Variants in TLX1 observed in about 807,000 individuals in gnomAD.
TLX1 encodes the protein T cell leukemia homeobox 1.
Under a neutral mutation model 26.5 loss-of-function variants are expected in TLX1, and 6 were observed. That is an observed-to-expected ratio of 0.23 (90% CI 0.12 to 0.45). The LOEUF (loss-of-function observed/expected upper bound fraction) is 0.45. Among genes scored for constraint, TLX1 ranks in the 20% least tolerant of loss-of-function variants. The probability of loss-of-function intolerance (pLI) is 0.99; values close to 1 mark genes in which losing one functional copy is unlikely to be tolerated. For missense variants in TLX1, 418 were observed against 482.6 expected, an observed-to-expected ratio of 0.87 and a Z score of 1.25; for synonymous variants, 217 against 219.7, an observed-to-expected ratio of 0.99 and a Z score of 0.11.
chr10:101,131,842 T>A lies in TLX1; in HGVS notation c.301T>A (p.Tyr101Asn). Residue 101 changes from tyrosine to asparagine, a missense_variant, in exon 1 of 3, where the codon TAC (tyrosine) becomes AAC (asparagine). Tyr to Asn is a moderately radical substitution (Grantham distance 143, BLOSUM62 -2). Coordinates refer to ENST00000370196, the MANE Select transcript of TLX1 (RefSeq NM_005521.4). Reference sequence around the variant, plus strand: ...CAGCATGGGTCCTCTGACCGGCTCCTACAACGTGAACATGGCCTTGGCAGG... The same window carrying A: ...CAGCATGGGTCCTCTGACCGGCTCCAACAACGTGAACATGGCCTTGGCAGG... ...ACSMGPLTGS[Y>N]NVNMALAGGP... The A allele has an allele frequency of 7.1e-7, 1 of 1,410,570 alleles. No individual in the cohort carries two copies. The allele number at this position is 1,410,570 out of a possible 1,614,324, so 87.4% of individuals were successfully genotyped here.
chr10:101,131,452 C>G lies in TLX1; in HGVS notation c.-90C>G, dbSNP rs991284649. The G allele has an allele frequency of 1.8e-6, 2 of 1,088,072 alleles. No homozygotes were observed. The highest frequency in any genetic ancestry group is 6.3e-5 in the East Asian group (2 of 31,540). 67.4% of individuals were successfully genotyped at this position (1,088,072 alleles called of 1,614,324 possible). ...TCCAAGTCTCCGCGCAGCCAGGAGC[C>G]GCTGTTGCCTCCCAGCCCCTGCTAG... On this transcript the variant is annotated 5_prime_UTR_variant, in exon 1 of 3. Coordinates refer to ENST00000370196, the MANE Select transcript of TLX1 (RefSeq NM_005521.4).
chr10:101,134,464 T>C, intron 2 of TLX1, 88 bp downstream of exon 2: 10 of 1,344,176 alleles, frequency 7.4e-6, no homozygotes, highest in Non-Finnish European at 8.9e-6. Flanking sequence ...GCGCACATAC[T>C]TTTTCCGCTC....
chr10:101,136,019 C>T (rs1183627769), intron 2 of TLX1, among the ~76,000 whole-genome samples: 7 of 152,208 alleles, frequency 4.6e-5, no homozygotes, highest in Non-Finnish European at 1.0e-4. Context: ...CTTCTGAAGG[C>T]CCCAGGGACT....
Position 101,132,042 on chromosome 10 carries a change from C to A in TLX1, c.501C>A (p.Asn167Lys). The stretch of plus-strand genomic sequence containing the variant: ...CTGTGCCTGCCATGCCGGGCGTCAA[C>A]AACCTCACTGGCCTCACCTTCCCCT... Reference protein sequence around the residue: ...VPSVPAMPGVNNLTGLTFPWM... With the variant: ...VPSVPAMPGVKNLTGLTFPWM... Residue 167 changes from asparagine to lysine, a missense_variant, in exon 1 of 3, where the codon AAC (asparagine) becomes AAA (lysine). Transcript: ENST00000370196. The surrounding 1 kb of genome is among the most constrained non-coding windows in gnomAD (Gnocchi z 4.1). The A allele has an allele frequency of 1.3e-6, 2 of 1,516,922 alleles. No individual in the cohort carries two copies. The highest frequency in any genetic ancestry group is 1.2e-5 in the South Asian group (1 of 80,200). The allele number at this position is 1,516,922 out of a possible 1,614,324, so 94.0% of individuals were successfully genotyped here. A position where few individuals can be genotyped will look rare whatever the true frequency, so the allele number is the denominator to read the frequency against.
intron 2 of TLX1, among the ~76,000 whole-genome samples, chr10:101,135,033 C>A (rs1321720156): frequency 6.6e-6 from 1 of 152,258 alleles, no homozygotes; most frequent in Non-Finnish European, 1.5e-5. Flanking sequence ...ATAGCCACAA[C>A]TCTAGTTACT....
chr10:101,135,383 G>A (rs1384940920), intron 2 of TLX1: 2 of 154,444 alleles, frequency 1.3e-5, no homozygotes, highest in Admixed American at 6.5e-5. Flanking sequence ...TTCCGCCTAC[G>A]GGGCCACAAA....
rs1378735196 is a variant in TLX1 at position 101,132,163 on chromosome 10, C to T, written c.568+54C>T. On this transcript the variant is annotated intron_variant, in intron 1 of 2. Coordinates refer to ENST00000370196, the MANE Select transcript of TLX1 (RefSeq NM_005521.4). The surrounding 1 kb of genome is among the most constrained non-coding windows in gnomAD (Gnocchi z 4.1). ...GGCCGCGGCCCGGGCTCCGTGCTAC[C>T]CCTGCCCCGCCGGGTGGCTCCCCAA... 3 of 1,291,030 alleles carry T rather than the reference C, an allele frequency of 2.3e-6. No homozygotes were observed. Among genetic ancestry groups the T allele is most frequent in the East Asian group, 3.0e-5 (1 of 32,894 alleles). 80.0% of individuals were successfully genotyped at this position (1,291,030 alleles called of 1,614,324 possible).
chr10:101,132,191 C>T lies in TLX1; in HGVS notation c.568+82C>T, dbSNP rs566006281. ...TGCCCCGCCGGGTGGCTCCCCAAAGCCGGTTCTGCGCTCCAGGTCGCCCAG... is the reference window on the plus strand; with the variant it reads ...TGCCCCGCCGGGTGGCTCCCCAAAGTCGGTTCTGCGCTCCAGGTCGCCCAG... On this transcript the variant is annotated intron_variant, in intron 1 of 2. Coordinates refer to ENST00000370196, the MANE Select transcript of TLX1 (RefSeq NM_005521.4). The surrounding 1 kb of genome is among the most constrained non-coding windows in gnomAD (Gnocchi z 4.1). 1.7e-6 allele frequency: 2 copies of T among 1,208,460 alleles called. No individual in the cohort carries two copies. Among genetic ancestry groups the T allele is most frequent in the African/African-American group, 1.6e-5 (1 of 63,398 alleles). The allele number at this position is 1,208,460 out of a possible 1,614,324, so 74.9% of individuals were successfully genotyped here. A position where few individuals can be genotyped will look rare whatever the true frequency, so the allele number is the denominator to read the frequency against.
chr10:101,131,324 G>T lies in TLX1; in HGVS notation c.-218G>T. Reference sequence around the variant, plus strand: ...TGATGTCCCAGAGTCAACAGCGAGCGAGCAGCCGGAGCGGGGAAGCAGAAG... The same window carrying T: ...TGATGTCCCAGAGTCAACAGCGAGCTAGCAGCCGGAGCGGGGAAGCAGAAG... On this transcript the variant is annotated 5_prime_UTR_variant, in exon 1 of 3. Transcript: ENST00000370196. 2.4e-6 allele frequency: 1 copy of T among 420,330 alleles called. No homozygotes were observed. 26.0% of individuals were successfully genotyped at this position (420,330 alleles called of 1,614,324 possible).
intron 1 of TLX1, among the ~76,000 whole-genome samples, chr10:101,133,942 G>GTC (rs1940232648): frequency 1.3e-5 from 2 of 152,172 alleles, no homozygotes; most frequent in Non-Finnish European, 2.9e-5. Flanking sequence ...CGTGGTAGCG[G>GTC]CGACGGCGGC....
chr10:101,134,836 T>G (rs1208949010), intron 2 of TLX1, among the ~76,000 whole-genome samples: 2 of 152,232 alleles, frequency 1.3e-5, no homozygotes, highest in Admixed American at 1.3e-4. Flanking sequence ...AGAGGGTCTG[T>G]GGCCCCAGAC....
chr10:101,132,960 C>G lies in TLX1; in HGVS notation c.568+851C>G, dbSNP rs1021414991. The stretch of plus-strand genomic sequence containing the variant: ...GTTTCCACTCTGGGCACTCAACTCT[C>G]CCTCTGGCGTGGATCCCTTCCCCCG... On this transcript the variant is annotated intron_variant, in intron 1 of 2. Transcript: ENST00000370196. This position sits in a 1 kb window ranked among gnomAD's most constrained non-coding sequence, Gnocchi z 4.1. 3.9e-5 allele frequency: 6 copies of G among 152,836 alleles called. No homozygotes were observed. The highest frequency in any genetic ancestry group is 1.4e-4 in the African/African-American group (6 of 41,476). 9.5% of individuals were successfully genotyped at this position (152,836 alleles called of 1,614,324 possible). A position where few individuals can be genotyped will look rare whatever the true frequency, so the allele number is the denominator to read the frequency against.
chr10:101,136,594 G>C (rs1473725885), intron 2 of TLX1, 97 bp from the exon 3 acceptor site: 1 of 1,603,614 alleles, frequency 6.2e-7, no homozygotes, highest in Non-Finnish European at 8.5e-7. Flanking sequence ...GGCGAGCAGC[G>C]CTCGTTCAGT....
rs780517106 is a variant in TLX1 at position 101,136,927 on chromosome 10, G to A, written c.*14G>A. The A allele has an allele frequency of 1.2e-6, 2 of 1,612,180 alleles. No individual in the cohort carries two copies. Among genetic ancestry groups the A allele is most frequent in the South Asian group, 2.2e-5 (2 of 91,058 alleles). On this transcript the variant is annotated 3_prime_UTR_variant, in exon 3 of 3. Coordinates refer to ENST00000370196, the MANE Select transcript of TLX1 (RefSeq NM_005521.4). ...GCCTGCGAGTGAGCCTGCCCATTCT[G>A]CCCTGTGGGACCCCAGGCCCACTCA...
In TLX1 at chr10:101,132,645, C is replaced by G. The variant is rs959959610; in HGVS notation, c.568+536C>G. On this transcript the variant is annotated intron_variant, in intron 1 of 2. Coordinates refer to ENST00000370196, the MANE Select transcript of TLX1 (RefSeq NM_005521.4). This position sits in a 1 kb window ranked among gnomAD's most constrained non-coding sequence, Gnocchi z 4.1. ...GGGGCTCTGAGCCCCGGTAAATCAG[C>G]AGAACCAGTGGCCTTTTTTTTTTTT... The G allele has an allele frequency of 2.0e-5, 3 of 150,478 alleles. No homozygotes were observed. Among genetic ancestry groups the G allele is most frequent in the Non-Finnish European group, 4.4e-5 (3 of 67,920 alleles). 9.3% of individuals were successfully genotyped at this position (150,478 alleles called of 1,614,324 possible).
intron 2 of TLX1, among the ~76,000 whole-genome samples, chr10:101,135,183 TCTGGCACGC>T (rs1334678703): frequency 1.4e-4 from 22 of 151,910 alleles, no homozygotes. Flanking sequence ...CGCTGCACCC[TCTGGCACGC>T]TGCACCCTCC....
chr10:101,132,534 A>C lies in TLX1; in HGVS notation c.568+425A>C, dbSNP rs1016940334. On this transcript the variant is annotated intron_variant, in intron 1 of 2. Transcript: ENST00000370196. This position sits in a 1 kb window ranked among gnomAD's most constrained non-coding sequence, Gnocchi z 4.1. ...CGAGCCCCAGGATCAGACACAAGAA[A>C]AGAACAGGTTCCCCCACCTCCAGTC... is the stretch of plus-strand genomic sequence containing the variant. Among the ~76,000 whole-genome samples, 1 of 152,178 alleles carries C rather than the reference A, an allele frequency of 6.6e-6. No individual in the cohort carries two copies. The highest frequency in any genetic ancestry group is 1.5e-5 in the Non-Finnish European group (1 of 68,010).
At chr10:101,136,518 G>T in intron 2 of TLX1, 173 bp from the exon 3 acceptor site, 2 of 1,022,436 alleles carry the variant, frequency 2.0e-6, no homozygotes, top group Non-Finnish European at 2.9e-6. Flanking sequence ...AGTCTTTGTT[G>T]GAGTCAGGAC....
At chr10:101,136,633 G>C (rs913153559) in intron 2 of TLX1, 58 bp from the exon 3 acceptor site, 11 of 1,611,976 alleles carry the variant, frequency 6.8e-6, no homozygotes, top group Non-Finnish European at 9.3e-6. Context: ...CCAGGAGTTG[G>C]GCACACGCGG....
Sources: allele counts gnomAD v4.1 joint callset (sites outside exome capture counted in the v4.1 genomes callset), GRCh38; gene constraint gnomAD v4.1.1; non-coding constraint Gnocchi (gnomAD v3.1); transcripts MANE v1.5; gene names NCBI Gene and HGNC (gene_info 2026-07-23, HGNC 2026-07-21).